ZNF724: variants seen among roughly 807,000 people sequenced by gnomAD.
ZNF724 encodes the protein zinc finger protein 724 pseudogene.
In ZNF724, 14 loss-of-function variants were observed where a neutral mutation model predicts 29.3. That is an observed-to-expected ratio of 0.48 (90% CI 0.32 to 0.75). ZNF724 has a LOEUF of 0.75. ZNF724 is among the 30% of genes least tolerant of loss of function. The pLI is 0.04. For missense variants in ZNF724, 557 were observed against 571.2 expected (o/e 0.98, Z 0.25); for synonymous variants, 180 against 193.6 (o/e 0.93, Z 0.58).
intron 3 of ZNF724, among the ~76,000 whole-genome samples, chr19:23,227,625 T>C (rs948130040): frequency 5.3e-5 from 8 of 151,190 alleles, no homozygotes; most frequent in African/African-American, 1.9e-4. Flanking sequence ...AAATATATTT[T>C]TGCAGAATAT....
Position 23,222,613 on chromosome 19 carries a change from G to A in ZNF724, c.1632C>T (p.Tyr544=), listed in dbSNP as rs755042960. The change falls in exon 4 of 4, where the codon TAC becomes TAT. Residue 544 remains tyrosine (Y), a synonymous_variant. Coordinates refer to ENST00000418100, the MANE Select transcript of ZNF724 (RefSeq NM_001355404.2). ...TATGTTGAGTAAGGTTTGAGTATTG[G>A]TAAAAAGCTTTGCCACATTCTTCAC... ...YKCEECGKAF[Y]QYSNLTQHKI... is the part of the protein sequence containing the mutation. The A allele has an allele frequency of 7.3e-7, 1 of 1,367,982 alleles. No individual in the cohort carries two copies. The highest frequency in any genetic ancestry group is 1.7e-5 in the Admixed American group (1 of 59,634). 84.7% of individuals were successfully genotyped at this position (1,367,982 alleles called of 1,614,324 possible). A position where few individuals can be genotyped will look rare whatever the true frequency, so the allele number is the denominator to read the frequency against.
intron 3 of ZNF724, among the ~76,000 whole-genome samples, chr19:23,228,236 G>A (rs1409610054): frequency 6.6e-6 from 1 of 151,988 alleles, no homozygotes; most frequent in Non-Finnish European, 1.5e-5. Flanking sequence ...GGTCACCTGA[G>A]GTCAGGAGTT....
At chr19:23,244,390 G>A (rs1034977887) in intron 1 of ZNF724, among the ~76,000 whole-genome samples, 6 of 152,142 alleles carry the variant, frequency 3.9e-5, no homozygotes, top group African/African-American at 1.2e-4. Flanking sequence ...GTGTCTAGTG[G>A]GCATGATTGT....
At chr19:23,248,969 G>A (rs1437381645) in intron 1 of ZNF724, among the ~76,000 whole-genome samples, 2 of 152,002 alleles carry the variant, frequency 1.3e-5, no homozygotes, top group Non-Finnish European at 2.9e-5. Context: ...TTGGGCGTCA[G>A]TGCAGGACTC....
chr19:23,250,141 G>A (rs568616721), intron 1 of ZNF724, 99 bp downstream of exon 1: 4 of 553,764 alleles, frequency 7.2e-6, no homozygotes, highest in Admixed American at 5.8e-5. Context: ...GCAGTTTGTG[G>A]AGATGACTGC....
intron 2 of ZNF724, among the ~76,000 whole-genome samples, chr19:23,231,928 G>A (rs1971940370): frequency 6.6e-6 from 1 of 151,800 alleles, no homozygotes; most frequent in South Asian, 2.1e-4. Flanking sequence ...GTAGAGGTGG[G>A]GTTTCACCAT....
At chr19:23,227,750 C>T (rs2145775011) in intron 3 of ZNF724, among the ~76,000 whole-genome samples, 1 of 152,104 alleles carries the variant, frequency 6.6e-6, no homozygotes, top group Admixed American at 6.5e-5. Flanking sequence ...CTGCAGCAAA[C>T]AAATGTATAA....
intron 1 of ZNF724, among the ~76,000 whole-genome samples, chr19:23,238,572 A>C (rs1972062210): frequency 6.6e-6 from 1 of 152,194 alleles, no homozygotes; most frequent in Non-Finnish European, 1.5e-5. Flanking sequence ...CCTTTTTATA[A>C]GGTAAGAAAA....
intron 1 of ZNF724, among the ~76,000 whole-genome samples, chr19:23,244,532 C>T (rs1383087271): frequency 6.6e-6 from 1 of 152,178 alleles, no homozygotes; most frequent in Non-Finnish European, 1.5e-5. Context: ...GGCAGTGTGA[C>T]AGCCAGTACA....
At chr19:23,238,748 A>G (rs1186592930) in intron 1 of ZNF724, among the ~76,000 whole-genome samples, 2 of 152,186 alleles carry the variant, frequency 1.3e-5, no homozygotes, top group Non-Finnish European at 2.9e-5. Context: ...GTCTCTACTA[A>G]AAATAAAAAA....
At position 23,223,525 on chromosome 19, in the gene ZNF724, G is replaced by A; in HGVS notation, c.720C>T (p.His240=). 1 of 743,472 alleles carries A rather than the reference G, an allele frequency of 1.3e-6. No homozygotes were observed. Among genetic ancestry groups the A allele is most frequent in the South Asian group, 1.4e-5 (1 of 71,066 alleles). 46.1% of individuals were successfully genotyped at this position (743,472 alleles called of 1,614,324 possible). A position where few individuals can be genotyped will look rare whatever the true frequency, so the allele number is the denominator to read the frequency against. ...ECGIAFNKSS[H]LNTHKIIHTG... Reference sequence around the variant, plus strand: ...TATGAATTATCTTATGTGTGTTAAGGTGTGAGGACTTGTTAAAGGCTATGC... The same window carrying A: ...TATGAATTATCTTATGTGTGTTAAGATGTGAGGACTTGTTAAAGGCTATGC... Residue 240 remains histidine (H), a synonymous_variant, in exon 4 of 4, where the codon CAC becomes CAT. Coordinates refer to ENST00000418100, the MANE Select transcript of ZNF724 (RefSeq NM_001355404.2).
In ZNF724 at chr19:23,222,852, G is replaced by A; in HGVS notation, c.1393C>T (p.Leu465Phe). 7.1e-7 allele frequency: 1 copy of A among 1,408,564 alleles called. No individual in the cohort carries two copies. The highest frequency in any genetic ancestry group is 1.0e-6 in the Non-Finnish European group (1 of 999,780). 87.3% of individuals were successfully genotyped at this position (1,408,564 alleles called of 1,614,324 possible). ...GTATGAATTATCCTATGTTCAGTAA[G>A]GTTTGAGGACCGCTTAAAAGCTTTG... ...CGKAFKRSSN[L>F]TEHRIIHTGE... Residue 465 changes from leucine (L) to phenylalanine (F), a missense_variant, in exon 4 of 4, where the codon CTT (leucine) becomes TTT (phenylalanine). Around this residue, in one of 3 missense-constraint regions of ZNF724, gnomAD observed 170 missense variants for 220.7 expected, o/e 0.77. Transcript: ENST00000418100.
chr19:23,246,753 G>A (rs373947076), intron 1 of ZNF724, among the ~76,000 whole-genome samples: 522 of 152,056 alleles, frequency 3.4e-3, no homozygotes, highest in African/African-American at 0.012. Context: ...TGCAATAAGA[G>A]GAACTGATGT....
intron 1 of ZNF724, among the ~76,000 whole-genome samples, chr19:23,244,279 A>G (rs1297106163): frequency 6.6e-6 from 1 of 152,082 alleles, no homozygotes; most frequent in African/African-American, 2.4e-5. Flanking sequence ...GGAGACTCGT[A>G]GACACTTTTG....
At chr19:23,238,316 G>C (rs1029440931) in intron 1 of ZNF724, among the ~76,000 whole-genome samples, 7 of 151,974 alleles carry the variant, frequency 4.6e-5, no homozygotes, top group African/African-American at 1.4e-4. Context: ...AATGAGCCCA[G>C]ATCACGCCAA....
intron 1 of ZNF724, among the ~76,000 whole-genome samples, chr19:23,242,005 C>A (rs142518952): frequency 1.3e-5 from 2 of 152,286 alleles, no homozygotes; most frequent in East Asian, 3.9e-4. Flanking sequence ...CAGAAATGCT[C>A]TATAAACTGA....
chr19:23,239,105 T>C (rs1972072853), intron 1 of ZNF724, among the ~76,000 whole-genome samples: 1 of 152,160 alleles, frequency 6.6e-6, no homozygotes, highest in Non-Finnish European at 1.5e-5. Context: ...TGAAGAGAGT[T>C]GGATTCTGAC....
chr19:23,222,149 G>T lies in ZNF724; in HGVS notation c.*236C>A. On this transcript the variant is annotated 3_prime_UTR_variant, in exon 4 of 4. Transcript: ENST00000418100. ...TTGCCACATTCTTCACACTTGTAGA[G>T]GTTTCCTCTACTATATTTTACCTAC... The T allele has an allele frequency of 2.2e-6, 1 of 449,230 alleles. No homozygotes were observed. Among genetic ancestry groups the T allele is most frequent in the Non-Finnish European group, 3.9e-6 (1 of 255,080 alleles). The allele number at this position is 449,230 out of a possible 1,614,324, so 27.8% of individuals were successfully genotyped here.
At position 23,223,975 on chromosome 19, in the gene ZNF724, G is replaced by C; in HGVS notation, c.270C>G (p.Ser90Arg). The change falls in exon 4 of 4, where the codon AGC (serine) becomes AGG (arginine). Residue 90 changes from serine (S) to arginine (R), a missense_variant. Physicochemically the swap from Ser to Arg is moderately radical, Grantham distance 110. Coordinates refer to ENST00000418100, the MANE Select transcript of ZNF724 (RefSeq NM_001355404.2). ...TTATTCTTTGCAAAGAAGCTTTTAT[G>C]CTCTGCTCTGGCCGAAGGTCTTGGG... ...YFAQDLRPEQ[S>R]IKASLQRIIL... is the part of the protein sequence containing the mutation. The C allele has an allele frequency of 2.8e-6, 2 of 717,918 alleles. No homozygotes were observed. Among genetic ancestry groups the C allele is most frequent in the Non-Finnish European group, 2.5e-6 (1 of 393,244 alleles). The allele number at this position is 717,918 out of a possible 1,614,324, so 44.5% of individuals were successfully genotyped here. A position where few individuals can be genotyped will look rare whatever the true frequency, so the allele number is the denominator to read the frequency against.
Sources: gnomAD v4.1 joint callset for allele counts (sites outside exome capture counted in the v4.1 genomes callset) on GRCh38, gnomAD v4.1.1 for gene constraint, gnomAD v4.1.1 regional missense constraint, MANE v1.5 for transcripts, NCBI Gene and HGNC (gene_info 2026-07-23, HGNC 2026-07-21) for gene names.